The following SOX6 variants were observed in gnomAD, a reference collection of about 807,000 sequenced individuals.
The protein encoded by SOX6 is SRY-box transcription factor 6.
SOX6 carries 11 observed loss-of-function variants against 97.8 expected under a neutral mutation model. That is an observed-to-expected ratio of 0.11 (90% CI 0.07 to 0.19). SOX6 has a LOEUF of 0.19. SOX6 is among the 10% of genes least tolerant of loss of function. The pLI is 1.00. For synonymous variants in SOX6, 360 were observed against 371.4 expected, an observed-to-expected ratio of 0.97 and a Z score of 0.35; for missense variants, 810 against 1,039.5, an observed-to-expected ratio of 0.78 and a Z score of 3.04.
chr11:16,716,577 T>C (rs1848221097), intron 2 of SOX6, among the ~76,000 whole-genome samples: 1 of 152,166 alleles, frequency 6.6e-6, no homozygotes, highest in East Asian at 1.9e-4. Flanking sequence ...CATTATTATC[T>C]ACTCCTAAGC....
chr11:16,027,296 A>C (rs1387622420), intron 12 of SOX6, among the ~76,000 whole-genome samples: 1 of 152,200 alleles, frequency 6.6e-6, no homozygotes, highest in Non-Finnish European at 1.5e-5. Flanking sequence ...TATAAGGTAA[A>C]AAACTGCATA....
intron 2 of SOX6, among the ~76,000 whole-genome samples, chr11:16,327,717 T>C (rs1856145660): frequency 6.6e-6 from 1 of 151,810 alleles, no homozygotes; most frequent in Admixed American, 6.6e-5. Context: ...AGGAGAACAG[T>C]GGGCTGGGGT....
At chr11:16,201,642 T>C (rs1186628592) in intron 4 of SOX6, among the ~76,000 whole-genome samples, 1 of 129,872 alleles carries the variant, frequency 7.7e-6, no homozygotes, top group Non-Finnish European at 1.5e-5. Context: ...TTTTCTTTTT[T>C]TTTTTTTTTG....
chr11:16,707,659 C>G (rs2134045632), intron 3 of SOX6, among the ~76,000 whole-genome samples: 1 of 152,078 alleles, frequency 6.6e-6, no homozygotes, highest in Middle Eastern at 3.4e-3. Flanking sequence ...TTTTTAAGGT[C>G]CTTATAAAGA....
intron 5 of SOX6, among the ~76,000 whole-genome samples, chr11:16,185,057 T>C (rs1303112945): frequency 6.6e-6 from 1 of 152,174 alleles, no homozygotes; most frequent in Non-Finnish European, 1.5e-5. Flanking sequence ...TTTAATGTTT[T>C]AGCCTATGCA....
intron 3 of SOX6, among the ~76,000 whole-genome samples, chr11:16,667,295 T>C (rs1013112359): frequency 1.1e-4 from 17 of 151,660 alleles, no homozygotes; most frequent in African/African-American, 4.1e-4. Flanking sequence ...CCTAGAAAAA[T>C]ATATCAATAT....
At chr11:16,523,848 C>A (rs1199806869) in intron 4 of SOX6, among the ~76,000 whole-genome samples, 3 of 152,258 alleles carry the variant, frequency 2.0e-5, no homozygotes, top group Non-Finnish European at 4.4e-5. Flanking sequence ...GAGAATACTA[C>A]AAACACCTCT....
chr11:16,432,955 G>A (rs920112710), intron 1 of SOX6, among the ~76,000 whole-genome samples: 2 of 151,980 alleles, frequency 1.3e-5, no homozygotes, highest in Non-Finnish European at 1.5e-5. Context: ...TTCTGTGGGG[G>A]CTTGCTGTAC....
rs1355515322 is a variant in SOX6, at chr11:16,613,533, A to C, written n.430-1273T>G. Among the ~76,000 whole-genome samples, 1 of 151,974 alleles carries C rather than the reference A, an allele frequency of 6.6e-6. No homozygotes were observed. Among genetic ancestry groups the C allele is most frequent in the African/African-American group, 2.4e-5 (1 of 41,396 alleles). On this transcript the variant is annotated intron_variant and non_coding_transcript_variant, in intron 3 of 5. Coordinates refer to the SOX6 transcript ENST00000524520. This position sits in a 1 kb window ranked among gnomAD's most constrained non-coding sequence, Gnocchi z 4.6. ...CTCGGCCTGAGGGCTCAGGTGATGGAGAGGAGGCTCGCGGCGTCCCAAACG... is the reference window on the plus strand; with the variant it reads ...CTCGGCCTGAGGGCTCAGGTGATGGCGAGGAGGCTCGCGGCGTCCCAAACG...
chr11:16,733,792 C>T (rs1461569792), intron 2 of SOX6, among the ~76,000 whole-genome samples: 4 of 150,228 alleles, frequency 2.7e-5, no homozygotes, highest in Non-Finnish European at 4.4e-5. Flanking sequence ...TTTGGGAGGC[C>T]GAGGCGGGTG....
chr11:16,528,943 T>A (rs1590234518), intron 4 of SOX6, among the ~76,000 whole-genome samples: 1 of 152,040 alleles, frequency 6.6e-6, no homozygotes, highest in Non-Finnish European at 1.5e-5. Context: ...GTTTTGAGAC[T>A]GGTGGTCTCC....
At chr11:16,167,395 C>G (rs1335409736) in intron 6 of SOX6, among the ~76,000 whole-genome samples, 1 of 152,110 alleles carries the variant, frequency 6.6e-6, no homozygotes. Flanking sequence ...CATGGTCTCC[C>G]TCCTTCTACC....
chr11:16,472,690 C>G lies in SOX6; in HGVS notation c.-5+3625G>C, dbSNP rs939970409. On this transcript the variant is annotated intron_variant, in intron 1 of 15. Transcript: ENST00000396356. ...GAACATCTATTTTTTTAAGCTGGTT[C>G]AAAATGCCTATCCTAATCAATACTA... Among the ~76,000 whole-genome samples, 18 of 151,968 alleles carry G rather than the reference C, an allele frequency of 1.2e-4. No homozygotes were observed. In the East Asian group the frequency reaches 3.1e-3, roughly 26 times the overall value.
intron 9 of SOX6, among the ~76,000 whole-genome samples, chr11:16,058,855 A>T (rs1257863529): frequency 6.6e-6 from 1 of 152,062 alleles, no homozygotes; most frequent in Non-Finnish European, 1.5e-5. Context: ...TTATGTGCTC[A>T]TGGGGCTGGA....
chr11:16,151,239 G>T (rs1204773394), intron 6 of SOX6, among the ~76,000 whole-genome samples: 1 of 152,086 alleles, frequency 6.6e-6, no homozygotes, highest in Non-Finnish European at 1.5e-5. Flanking sequence ...TAGGTTTCAA[G>T]TATTAGCATT....
intron 13 of SOX6, among the ~76,000 whole-genome samples, chr11:16,012,721 C>A (rs566540172): frequency 2.6e-5 from 4 of 152,104 alleles, no homozygotes; most frequent in African/African-American, 9.6e-5. Flanking sequence ...AATCTCAGCT[C>A]TACCCTTAAT....
At chr11:16,602,349 C>T (rs146546556) in intron 4 of SOX6, among the ~76,000 whole-genome samples, 73 of 152,212 alleles carry the variant, frequency 4.8e-4, no homozygotes, top group African/African-American at 1.7e-3. Context: ...TACTTGATAT[C>T]GGGATCCTGC....
chr11:16,658,490 C>T (rs904746702), intron 3 of SOX6, among the ~76,000 whole-genome samples: 7 of 150,902 alleles, frequency 4.6e-5, no homozygotes, highest in East Asian at 1.9e-4. Context: ...AGGCAGATCA[C>T]GAGGTCAGAA....
intron 12 of SOX6, among the ~76,000 whole-genome samples, chr11:16,021,182 C>G (rs550606348): frequency 6.6e-6 from 1 of 152,236 alleles, no homozygotes; most frequent in South Asian, 2.1e-4. Flanking sequence ...AAAGAAGATA[C>G]TACATATCAT....
Sources: allele counts gnomAD v4.1 joint callset (sites outside exome capture counted in the v4.1 genomes callset), GRCh38; gene constraint gnomAD v4.1.1; non-coding constraint Gnocchi (gnomAD v3.1); transcripts MANE v1.5; gene names NCBI Gene and HGNC (gene_info 2026-07-23, HGNC 2026-07-21).